CNTN5: variants seen among roughly 807,000 people sequenced by gnomAD.
CNTN5 encodes the protein contactin 5, also known as contactin-5.
A neutral mutation model predicts 129.1 loss-of-function variants in CNTN5; 77 were observed. The ratio of observed to expected loss-of-function variants is 0.60; its 90% CI spans 0.50 to 0.72. The LOEUF is 0.72. Ranked by LOEUF, CNTN5 falls within the 30% of genes least tolerant of loss-of-function variation. The pLI is 0.00. For missense variants in CNTN5, 1,478 were observed against 1,328.8 expected (o/e 1.11, Z -1.75); for synonymous variants, 509 against 465.6 (o/e 1.09, Z -1.20).
At chr11:99,398,744 T>A (rs1348532197) in intron 2 of CNTN5, among the ~76,000 whole-genome samples, 1 of 151,950 alleles carries the variant, frequency 6.6e-6, no homozygotes, top group Non-Finnish European at 1.5e-5. Flanking sequence ...GTTTATCAAT[T>A]TTTTTACTTT....
At chr11:99,577,757 T>G (rs1949406132) in intron 3 of CNTN5, among the ~76,000 whole-genome samples, 1 of 152,092 alleles carries the variant, frequency 6.6e-6, no homozygotes, top group Admixed American at 6.6e-5. Flanking sequence ...GCTTCTAAAA[T>G]GTTTAAAGAT....
At chr11:99,368,650 C>T (rs896994903) in intron 2 of CNTN5, among the ~76,000 whole-genome samples, 9 of 150,686 alleles carry the variant, frequency 6.0e-5, no homozygotes, top group Admixed American at 3.3e-4. Context: ...ATATAATTAT[C>T]GTAAGACTAC....
At chr11:99,815,913 G>T (rs1946571587) in intron 3 of CNTN5, among the ~76,000 whole-genome samples, 1 of 152,092 alleles carries the variant, frequency 6.6e-6, no homozygotes, top group Non-Finnish European at 1.5e-5. Context: ...CACCCTTTCA[G>T]TTTCTGCACC....
chr11:99,880,540 C>G (rs1948745409), intron 6 of CNTN5, among the ~76,000 whole-genome samples: 1 of 152,038 alleles, frequency 6.6e-6, no homozygotes, highest in Non-Finnish European at 1.5e-5. Context: ...TTGATGAAAT[C>G]CTTATTTCAT....
chr11:100,115,763 A>C (rs1026395801), intron 13 of CNTN5, among the ~76,000 whole-genome samples: 1 of 152,024 alleles, frequency 6.6e-6, no homozygotes, highest in Non-Finnish European at 1.5e-5. Context: ...TTTTTCCTAT[A>C]TGCCTGATTG....
intron 6 of CNTN5, among the ~76,000 whole-genome samples, chr11:99,900,660 A>T (rs570698863): frequency 5.9e-5 from 9 of 152,110 alleles, no homozygotes. Flanking sequence ...ATGTCATTAC[A>T]TGCAATGTGG....
chr11:99,202,323 G>C (rs1307637677), intron 1 of CNTN5, among the ~76,000 whole-genome samples: 1 of 152,144 alleles, frequency 6.6e-6, no homozygotes, highest in African/African-American at 2.4e-5. Context: ...AAATGACTTT[G>C]AAACAATTTA....
chr11:99,353,499 A>G (rs1463618384), intron 2 of CNTN5, among the ~76,000 whole-genome samples: 2 of 152,178 alleles, frequency 1.3e-5, no homozygotes, highest in Admixed American at 1.3e-4. Context: ...CTGCATTTAC[A>G]TTGTATTTGA....
intron 3 of CNTN5, among the ~76,000 whole-genome samples, chr11:99,739,871 A>G (rs1943834157): frequency 6.6e-6 from 1 of 152,172 alleles, no homozygotes. Context: ...GAGCTTTTAA[A>G]AACTTTAGCT....
intron 20 of CNTN5, among the ~76,000 whole-genome samples, chr11:100,306,742 G>T (rs1239467311): frequency 1.3e-5 from 2 of 151,648 alleles, no homozygotes; most frequent in Admixed American, 1.3e-4. Context: ...GAATAAGATA[G>T]AAGATTTTTC....
intron 2 of CNTN5, among the ~76,000 whole-genome samples, chr11:99,537,938 C>G (rs1394425391): frequency 6.6e-6 from 1 of 152,148 alleles, no homozygotes; most frequent in African/African-American, 2.4e-5. Flanking sequence ...AATTAAATGT[C>G]AAATACAATT....
chr11:100,008,454 G>C (rs901476556), intron 9 of CNTN5, among the ~76,000 whole-genome samples: 5 of 152,046 alleles, frequency 3.3e-5, no homozygotes, highest in African/African-American at 1.2e-4. Context: ...CATAAATATA[G>C]TAGACTAAAG....
chr11:99,318,561 T>C (rs1160562081), intron 1 of CNTN5, among the ~76,000 whole-genome samples: 4 of 152,096 alleles, frequency 2.6e-5, no homozygotes, highest in Non-Finnish European at 5.9e-5. Flanking sequence ...TTTTTTGTAA[T>C]TAACTCTCCA....
chr11:100,169,080 G>A (rs1359606840), intron 13 of CNTN5, among the ~76,000 whole-genome samples: 1 of 151,966 alleles, frequency 6.6e-6, no homozygotes, highest in South Asian at 2.1e-4. Context: ...ATGAGGAGTT[G>A]TCCCTTATGG....
intron 1 of CNTN5, among the ~76,000 whole-genome samples, chr11:99,214,052 G>T (rs1017729904): frequency 6.6e-6 from 1 of 152,084 alleles, no homozygotes; most frequent in Non-Finnish European, 1.5e-5. Context: ...TAGAGCAGAG[G>T]CATGGGCAAT....
intron 3 of CNTN5, among the ~76,000 whole-genome samples, chr11:99,641,583 A>G (rs1951772830): frequency 6.6e-6 from 1 of 152,138 alleles, no homozygotes; most frequent in Non-Finnish European, 1.5e-5. Flanking sequence ...AGTGAACCGG[A>G]AATTCCTACA....
intron 2 of CNTN5, among the ~76,000 whole-genome samples, chr11:99,414,585 T>C (rs1163411234): frequency 6.6e-6 from 1 of 151,544 alleles, no homozygotes; most frequent in African/African-American, 2.4e-5. Flanking sequence ...GGCAGAAAAA[T>C]AGAGCTATAT....
chr11:100,184,996 C>T (rs1311101201), intron 13 of CNTN5, among the ~76,000 whole-genome samples: 1 of 146,368 alleles, frequency 6.8e-6, no homozygotes, highest in Non-Finnish European at 1.5e-5. Context: ...TGGGGCTCTT[C>T]CCACCTTGGC....
intron 3 of CNTN5, among the ~76,000 whole-genome samples, chr11:99,798,002 T>C (rs1375473901): frequency 6.6e-6 from 1 of 152,150 alleles, no homozygotes; most frequent in African/African-American, 2.4e-5. Context: ...TGCATGTTTG[T>C]TACATAGGAA....
Sources: gnomAD v4.1 joint callset for allele counts (sites outside exome capture counted in the v4.1 genomes callset) on GRCh38, gnomAD v4.1.1 for gene constraint, MANE v1.5 for transcripts, NCBI Gene and HGNC (gene_info 2026-07-23, HGNC 2026-07-21) for gene names.